The following GRID2 variants were observed in gnomAD, a reference collection of about 807,000 sequenced individuals.
The protein encoded by GRID2 is glutamate ionotropic receptor delta type subunit 2, also known as glutamate receptor ionotropic, delta-2.
Under a neutral mutation model 114.8 loss-of-function variants are expected in GRID2, and 33 were observed. The observed-to-expected ratio is 0.29, with a 90% CI of 0.22 to 0.38. The LOEUF is 0.38. Among genes scored for constraint, GRID2 ranks in the 10% least tolerant of loss-of-function variants. The pLI is 1.00. For missense variants in GRID2, 1,184 were observed against 1,257.7 expected (o/e 0.94, Z 0.89); for synonymous variants, 505 against 449.9 (o/e 1.12, Z -1.55).
intron 8 of GRID2, among the ~76,000 whole-genome samples, chr4:93,379,777 C>T (rs1252176900): frequency 6.6e-6 from 1 of 152,004 alleles, no homozygotes; most frequent in Non-Finnish European, 1.5e-5. Flanking sequence ...ATAATAAGTA[C>T]AGTGAGATAC....
intron 4 of GRID2, among the ~76,000 whole-genome samples, chr4:93,195,192 G>C (rs75476338): frequency 2.0e-3 from 298 of 152,242 alleles, no homozygotes; most frequent in African/African-American, 7.0e-3. Flanking sequence ...CTCAGTTTGA[G>C]TTACTGGTAC....
chr4:92,617,849 T>C (rs1410570654), intron 2 of GRID2, among the ~76,000 whole-genome samples: 4 of 151,328 alleles, frequency 2.6e-5, no homozygotes, highest in Middle Eastern at 6.3e-3. Context: ...TTTTCTTAAT[T>C]AGACGATTTT....
intron 2 of GRID2, among the ~76,000 whole-genome samples, chr4:92,887,638 G>A (rs1746468492): frequency 6.6e-6 from 1 of 152,180 alleles, no homozygotes. Flanking sequence ...CTAGGACCAG[G>A]TCTACTGCAA....
At chr4:93,659,407 G>A (rs1242928582) in intron 14 of GRID2, among the ~76,000 whole-genome samples, 1 of 152,094 alleles carries the variant, frequency 6.6e-6, no homozygotes, top group Non-Finnish European at 1.5e-5. Flanking sequence ...ATTCACCAAC[G>A]AATTACTAGT....
At chr4:93,389,354 A>G (rs1184308461) in intron 8 of GRID2, among the ~76,000 whole-genome samples, 1 of 152,178 alleles carries the variant, frequency 6.6e-6, no homozygotes. Flanking sequence ...AAGGAAAGCT[A>G]ATAGAATTTG....
chr4:92,433,385 T>G (rs1032934934), intron 1 of GRID2, among the ~76,000 whole-genome samples: 23 of 152,210 alleles, frequency 1.5e-4, no homozygotes, highest in African/African-American at 4.6e-4. Flanking sequence ...CCAGAGTGCT[T>G]TAGCCTGCAA....
At chr4:93,065,450 A>C (rs1338822494) in intron 2 of GRID2, among the ~76,000 whole-genome samples, 2 of 151,852 alleles carry the variant, frequency 1.3e-5, no homozygotes, top group African/African-American at 2.4e-5. Context: ...CTCATGGAAA[A>C]GCCAAAAGAA....
intron 3 of GRID2, among the ~76,000 whole-genome samples, chr4:93,092,606 CTG>C (rs1167445739): frequency 1.3e-5 from 2 of 152,048 alleles, no homozygotes; most frequent in African/African-American, 2.4e-5. Flanking sequence ...TGGTGGCAAT[CTG>C]TGTGTCTGTC....
At chr4:93,477,596 A>C (rs1725442976) in intron 11 of GRID2, among the ~76,000 whole-genome samples, 1 of 152,172 alleles carries the variant, frequency 6.6e-6, no homozygotes, top group African/African-American at 2.4e-5. Flanking sequence ...ATCTATAAAA[A>C]AGTAAACTTA....
chr4:93,513,073 T>C (rs989921370), intron 12 of GRID2, among the ~76,000 whole-genome samples: 6 of 152,278 alleles, frequency 3.9e-5, no homozygotes, highest in African/African-American at 1.4e-4. Context: ...TTGAGTTTGA[T>C]TGTTAGTACT....
intron 4 of GRID2, among the ~76,000 whole-genome samples, chr4:93,120,442 G>T (rs988012331): frequency 6.6e-6 from 1 of 152,120 alleles, no homozygotes; most frequent in African/African-American, 2.4e-5. Context: ...CATGCCCTTT[G>T]CAGCGAGATG....
intron 8 of GRID2, among the ~76,000 whole-genome samples, chr4:93,251,126 C>T (rs1748872230): frequency 6.6e-6 from 1 of 152,056 alleles, no homozygotes; most frequent in South Asian, 2.1e-4. Flanking sequence ...TTATTTCTAG[C>T]TATGGAAAAT....
intron 4 of GRID2, among the ~76,000 whole-genome samples, chr4:93,167,647 A>T (rs1348211397): frequency 6.6e-6 from 1 of 152,204 alleles, no homozygotes; most frequent in African/African-American, 2.4e-5. Context: ...GAAAAACTTA[A>T]CACATAGTAA....
intron 13 of GRID2, among the ~76,000 whole-genome samples, chr4:93,537,062 A>C (rs2149522036): frequency 6.6e-6 from 1 of 151,734 alleles, no homozygotes; most frequent in Non-Finnish European, 1.5e-5. Flanking sequence ...AAATCTTATA[A>C]GCTTCTACTT....
chr4:93,677,685 C>A (rs189671180), intron 14 of GRID2, among the ~76,000 whole-genome samples: 125 of 152,254 alleles, frequency 8.2e-4, no homozygotes, highest in African/African-American at 2.7e-3. Context: ...TGGAGTGGAC[C>A]TCTAGCAAAC....
chr4:93,490,517 TTGA>T (rs1476230307), intron 11 of GRID2, 119 bp from the exon 12 acceptor site: 9 of 649,828 alleles, frequency 1.4e-5, no homozygotes, highest in Admixed American at 5.4e-5. Context: ...GAGATCTATG[TTGA>T]TGTTAAGCAG....
intron 14 of GRID2, among the ~76,000 whole-genome samples, chr4:93,677,937 CTT>C (rs1416063765): frequency 8.5e-6 from 1 of 117,236 alleles, no homozygotes; most frequent in Non-Finnish European, 1.7e-5. Context: ...TGGAGAATGA[CTT>C]TGACGAGTTG....
chr4:92,552,335 G>A (rs1320113344), intron 1 of GRID2, among the ~76,000 whole-genome samples: 1 of 151,942 alleles, frequency 6.6e-6, no homozygotes, highest in Non-Finnish European at 1.5e-5. Context: ...AGCCAAAAAT[G>A]AATACTGAAG....
intron 14 of GRID2, among the ~76,000 whole-genome samples, chr4:93,714,339 A>T (rs546678805): frequency 6.6e-6 from 1 of 152,100 alleles, no homozygotes. Flanking sequence ...CCAGTCTATC[A>T]TCGATGGACA....
Sources: allele counts gnomAD v4.1 joint callset (sites outside exome capture counted in the v4.1 genomes callset), GRCh38; gene constraint gnomAD v4.1.1; transcripts MANE v1.5; gene names NCBI Gene and HGNC (gene_info 2026-07-23, HGNC 2026-07-21).